Variants in LRRC37A2 observed in about 807,000 individuals in gnomAD.
LRRC37A2 encodes leucine rich repeat containing 37 member A2, also known as leucine-rich repeat-containing protein 37A2.
A neutral mutation model predicts 68.8 loss-of-function variants in LRRC37A2; 9 were observed. That is an observed-to-expected ratio of 0.13 (90% CI 0.08 to 0.23). The LOEUF is 0.23. Among genes scored for constraint, LRRC37A2 ranks in the 10% least tolerant of loss-of-function variants. The pLI is 1.00. For synonymous variants in LRRC37A2, 63 were observed against 367.6 expected (o/e 0.17, Z 9.48); for missense variants, 168 against 950.4 (o/e 0.18, Z 10.82).
the LRRC37A2 span, chr17:46,768,263 T>C: frequency 1.2e-6 from 2 of 1,610,112 alleles, no homozygotes; most frequent in African/African-American, 1.3e-5. The surrounding 1 kb of genome is among the most constrained non-coding windows in gnomAD (Gnocchi z 5.0). Flanking sequence ...AACAACCCCA[T>C]TCCCTGCGCC....
At chr17:46,936,877 G>A in the LRRC37A2 span, 1 of 973,520 alleles carries the variant, frequency 1.0e-6, no homozygotes, top group South Asian at 4.8e-5. Context: ...TTTCTGGGCA[G>A]AATGTAGATT....
chr17:46,758,798 A>C, the LRRC37A2 span, among the ~76,000 whole-genome samples: 1 of 152,232 alleles, frequency 6.6e-6, no homozygotes, highest in Non-Finnish European at 1.5e-5. Context: ...TGATCAACAG[A>C]CTTGTTGAAA....
the LRRC37A2 span, among the ~76,000 whole-genome samples, chr17:47,000,060 AAATTAAAATAAAATAAAAAATAAAAT>A: frequency 0.014 from 365 of 26,514 alleles, 73 homozygotes; most frequent in South Asian, 0.03. Flanking sequence ...AAATAAAATA[AAATTAAAATAAAATAAAAAATAAAAT>A]AAAATAAAAT....
the LRRC37A2 span, among the ~76,000 whole-genome samples, chr17:46,823,833 C>T: frequency 6.6e-6 from 1 of 152,230 alleles, no homozygotes. Context: ...TGCCTGTCAT[C>T]TCTGAGTCCC....
the LRRC37A2 span, among the ~76,000 whole-genome samples, chr17:46,801,895 C>T: frequency 3.3e-5 from 5 of 152,116 alleles, no homozygotes; most frequent in Non-Finnish European, 7.4e-5. Context: ...ACTGTTTCCC[C>T]GCCAAGCCCT....
chr17:46,869,586 T>C, the LRRC37A2 span, among the ~76,000 whole-genome samples: 43 of 152,314 alleles, frequency 2.8e-4, no homozygotes, highest in Middle Eastern at 3.4e-3. Flanking sequence ...GGCTCCCAAG[T>C]GCAGCCTAGG....
At chr17:46,885,110 G>T in the LRRC37A2 span, 811 of 424,872 alleles carry the variant, frequency 1.9e-3, 5 homozygotes, top group African/African-American at 0.015. Context: ...CGTCTCAGCT[G>T]CCTGAGTAAC....
the LRRC37A2 span, among the ~76,000 whole-genome samples, chr17:46,816,695 A>C: frequency 2.2e-3 from 338 of 152,264 alleles, no homozygotes; most frequent in African/African-American, 7.8e-3. Flanking sequence ...ACCAGAATCT[A>C]CACCAACTGG....
chr17:46,754,623 A>G, the LRRC37A2 span, among the ~76,000 whole-genome samples: 5 of 152,358 alleles, frequency 3.3e-5, no homozygotes, highest in East Asian at 7.7e-4. Context: ...ATAAATATGA[A>G]TAGAAAATGA....
At chr17:46,875,013 C>T in the LRRC37A2 span, 1 of 1,606,922 alleles carries the variant, frequency 6.2e-7, no homozygotes, top group African/African-American at 1.3e-5. Flanking sequence ...GCCTCTGGCC[C>T]TCAGAGGGCG....
the LRRC37A2 span, among the ~76,000 whole-genome samples, chr17:46,657,968 T>TCA: frequency 1.3e-4 from 1 of 7,972 alleles, no homozygotes; most frequent in Non-Finnish European, 5.7e-4. Flanking sequence ...TTTATTTTAT[T>TCA]TATTTTTTTT....
chr17:46,541,355 G>T (rs1270041022), intron 8 of LRRC37A2, among the ~76,000 whole-genome samples: 1 of 149,078 alleles, frequency 6.7e-6, no homozygotes, highest in Non-Finnish European at 1.5e-5. Flanking sequence ...AGGTTCAAGT[G>T]GTTCTCCTGC....
At chr17:46,708,985 C>T in the LRRC37A2 span, among the ~76,000 whole-genome samples, 8 of 151,560 alleles carry the variant, frequency 5.3e-5, no homozygotes, top group African/African-American at 1.2e-4. Flanking sequence ...CCACCATGCC[C>T]GACTAATTTT....
At chr17:46,736,595 A>G in the LRRC37A2 span, among the ~76,000 whole-genome samples, 2 of 152,180 alleles carry the variant, frequency 1.3e-5, no homozygotes, top group African/African-American at 2.4e-5. Flanking sequence ...TACAATAAGC[A>G]TATGTTACTT....
chr17:46,853,481 C>T, the LRRC37A2 span, among the ~76,000 whole-genome samples: 1 of 148,280 alleles, frequency 6.7e-6, no homozygotes, highest in African/African-American at 2.5e-5. Context: ...AAGCGATTCT[C>T]CTGCCTCAGC....
the LRRC37A2 span, among the ~76,000 whole-genome samples, chr17:46,834,649 C>T: frequency 4.7e-3 from 715 of 152,246 alleles, 3 homozygotes; most frequent in Non-Finnish European, 7.5e-3. Context: ...TGGTCCTTCT[C>T]GCCTGCCTCC....
the LRRC37A2 span, among the ~76,000 whole-genome samples, chr17:46,996,343 AG>A: frequency 2.0e-5 from 3 of 152,242 alleles, no homozygotes; most frequent in Non-Finnish European, 4.4e-5. Flanking sequence ...TTACAAGTAC[AG>A]GCTTTAGAGT....
the LRRC37A2 span, among the ~76,000 whole-genome samples, chr17:47,020,977 T>G: frequency 6.6e-6 from 1 of 151,790 alleles, no homozygotes; most frequent in South Asian, 2.1e-4. Flanking sequence ...GTAGCTATAA[T>G]TTGTTAAATA....
chr17:46,737,026 A>G, the LRRC37A2 span, among the ~76,000 whole-genome samples: 91 of 152,314 alleles, frequency 6.0e-4, 2 homozygotes, highest in South Asian at 0.018. Context: ...TTTTTCACCA[A>G]AAATATTTCT....
Sources: allele counts gnomAD v4.1 joint callset (sites outside exome capture counted in the v4.1 genomes callset), GRCh38; gene constraint gnomAD v4.1.1; non-coding constraint Gnocchi (gnomAD v3.1); transcripts MANE v1.5; gene names NCBI Gene and HGNC (gene_info 2026-07-23, HGNC 2026-07-21).